SMYD2: variants seen among roughly 807,000 people sequenced by gnomAD.
SMYD2 encodes SET and MYND domain containing 2, also known as N-lysine methyltransferase SMYD2.
A neutral mutation model predicts 59.1 loss-of-function variants in SMYD2; 53 were observed. The observed-to-expected ratio is 0.90, with a 90% CI of 0.72 to 1.13. The LOEUF (loss-of-function observed/expected upper bound fraction) is 1.13, where lower values mean the gene tolerates loss of function less well. Ranked by LOEUF, SMYD2 falls within the 50% of genes most tolerant of loss-of-function variation. The pLI is 0.00. For missense variants in SMYD2, 494 were observed against 544.7 expected, an observed-to-expected ratio of 0.91 and a Z score of 0.93; for synonymous variants, 208 against 198.8, an observed-to-expected ratio of 1.05 and a Z score of -0.39.
At chr1:214,295,407 C>A (rs948511190) in intron 1 of SMYD2, among the ~76,000 whole-genome samples, 3 of 149,048 alleles carry the variant, frequency 2.0e-5, no homozygotes, top group Admixed American at 6.7e-5. Context: ...ATTTTTTTTG[C>A]TTTCTAAGGC....
At chr1:214,317,150 A>G (rs1363239018) in intron 3 of SMYD2, among the ~76,000 whole-genome samples, 1 of 152,260 alleles carries the variant, frequency 6.6e-6, no homozygotes, top group African/African-American at 2.4e-5. Context: ...TGCTCCAAAA[A>G]AGAACTATTG....
chr1:214,314,614 C>G (rs999159010), intron 2 of SMYD2, 148 bp from the exon 3 acceptor site: 1 of 625,968 alleles, frequency 1.6e-6, no homozygotes, highest in Non-Finnish European at 2.9e-6. Context: ...ATGTTTTTAT[C>G]TCTAGCTTTT....
chr1:214,330,086 C>T (rs1657325642), intron 7 of SMYD2, 82 bp from the exon 8 acceptor site: 1 of 870,574 alleles, frequency 1.1e-6, no homozygotes, highest in Non-Finnish European at 1.8e-6. Flanking sequence ...ATGGGCCCTG[C>T]AGGTGACTGC....
At chr1:214,283,695 G>T (rs986803792) in intron 1 of SMYD2, among the ~76,000 whole-genome samples, 8 of 152,122 alleles carry the variant, frequency 5.3e-5, no homozygotes, top group Non-Finnish European at 1.0e-4. Context: ...CCTCCATAGG[G>T]CCTCAAAGTA....
chr1:214,322,497 T>G (rs1232003031), intron 5 of SMYD2, among the ~76,000 whole-genome samples: 1 of 152,226 alleles, frequency 6.6e-6, no homozygotes, highest in Non-Finnish European at 1.5e-5. Flanking sequence ...TAATCCACAG[T>G]ACCCTCCCAT....
intron 2 of SMYD2, among the ~76,000 whole-genome samples, chr1:214,308,920 GAGAA>G (rs1191825603): frequency 6.6e-6 from 1 of 152,134 alleles, no homozygotes; most frequent in Non-Finnish European, 1.5e-5. Context: ...GGGAATGTCA[GAGAA>G]AGAGAAGTGG....
intron 11 of SMYD2, among the ~76,000 whole-genome samples, chr1:214,335,945 GAAA>G (rs1030742623): frequency 2.2e-4 from 33 of 152,268 alleles, no homozygotes; most frequent in African/African-American, 7.9e-4. Flanking sequence ...TTTCGAAAGG[GAAA>G]AATAGTTTAG....
At chr1:214,313,304 A>G (rs1415073923) in intron 2 of SMYD2, among the ~76,000 whole-genome samples, 1 of 151,740 alleles carries the variant, frequency 6.6e-6, no homozygotes, top group Non-Finnish European at 1.5e-5. Context: ...TTTAGTAGAG[A>G]TGGGGTTTTA....
intron 11 of SMYD2, among the ~76,000 whole-genome samples, chr1:214,336,496 C>T (rs747139434): frequency 6.6e-5 from 10 of 152,222 alleles, no homozygotes; most frequent in African/African-American, 2.2e-4. Context: ...CGCACCACTG[C>T]ACTCCAGCCT....
intron 1 of SMYD2, among the ~76,000 whole-genome samples, chr1:214,304,100 G>A (rs1371303673): frequency 2.6e-5 from 4 of 152,198 alleles, no homozygotes; most frequent in Admixed American, 2.6e-4. Flanking sequence ...GCACCTAACA[G>A]TTGGGAAGCA....
chr1:214,321,568 G>A (rs1023650864), intron 5 of SMYD2, among the ~76,000 whole-genome samples: 7 of 152,142 alleles, frequency 4.6e-5, no homozygotes, highest in Non-Finnish European at 7.3e-5. Context: ...CCTTTCCACC[G>A]TCTGGTCCAT....
chr1:214,328,527 T>C (rs1320665591), intron 7 of SMYD2, among the ~76,000 whole-genome samples: 2 of 152,232 alleles, frequency 1.3e-5, no homozygotes, highest in East Asian at 3.8e-4. Context: ...ATGCTCTGTG[T>C]TCTTAAGTAA....
At chr1:214,308,578 A>C (rs1183895088) in intron 2 of SMYD2, among the ~76,000 whole-genome samples, 1 of 152,102 alleles carries the variant, frequency 6.6e-6, no homozygotes, top group Non-Finnish European at 1.5e-5. Flanking sequence ...AGCGATGAGG[A>C]AGGTAATTGA....
Position 214,318,139 on chromosome 1 carries a change from C to A in SMYD2, c.409C>A (p.His137Asn), listed in dbSNP as rs759307844. Residue 137 changes from histidine to asparagine, a missense_variant and splice_region_variant, in exon 4 of 12, where the codon CAT becomes AAT. His to Asn is a moderately conservative substitution (Grantham distance 68). Coordinates refer to ENST00000366957, the MANE Select transcript of SMYD2 (RefSeq NM_020197.3). This position sits in a 1 kb window ranked among gnomAD's most constrained non-coding sequence, Gnocchi z 5.4. The stretch of plus-strand genomic sequence containing the variant: ...GTTAGCTGTGAAGGAGTTTGAATCA[C>A]GTAAGTCTTTCTGTGACCAGCCGCG... ...KLLAVKEFES[H>N]LDKLDNEKKD... 44 of 1,613,602 alleles carry A rather than the reference C, an allele frequency of 2.7e-5. 1 individual carries two copies. The East Asian group carries it at 9.4e-4, about 34-fold the overall frequency.
intron 1 of SMYD2, among the ~76,000 whole-genome samples, chr1:214,286,000 T>G (rs887490099): frequency 6.6e-6 from 1 of 152,228 alleles, no homozygotes; most frequent in African/African-American, 2.4e-5. Flanking sequence ...CCACCTTTGT[T>G]CACGTGGTCT....
chr1:214,314,499 A>G (rs1657049218), intron 2 of SMYD2, among the ~76,000 whole-genome samples: 2 of 152,182 alleles, frequency 1.3e-5, no homozygotes, highest in South Asian at 4.1e-4. Flanking sequence ...GGGGCTGCAG[A>G]AAGCCATGAG....
At chr1:214,296,622 TTAA>T (rs1289653161) in intron 1 of SMYD2, among the ~76,000 whole-genome samples, 6 of 152,232 alleles carry the variant, frequency 3.9e-5, no homozygotes, top group Non-Finnish European at 8.8e-5. Context: ...AAGCAATGTA[TTAA>T]ATGTTTTGCT....
At position 214,331,221 on chromosome 1, in the gene SMYD2, C is replaced by T. The variant is rs1410071991; in HGVS notation, c.937+151C>T. The T allele has an allele frequency of 4.5e-6, 5 of 1,112,374 alleles. No homozygotes were observed. In the South Asian group the frequency reaches 4.8e-5, roughly 11 times the overall value. 68.9% of individuals were successfully genotyped at this position (1,112,374 alleles called of 1,614,324 possible). A position where few individuals can be genotyped will look rare whatever the true frequency, so the allele number is the denominator to read the frequency against. ...AGTAAATGTGTAAAGGCGTACTGAC[C>T]ACCCACAATGTGGTGTCCATCCTGT... is the stretch of plus-strand genomic sequence containing the variant. On this transcript the variant is annotated intron_variant, in intron 9 of 11. Transcript: ENST00000366957.
chr1:214,315,993 G>C (rs1258132827), intron 3 of SMYD2, among the ~76,000 whole-genome samples: 5 of 152,154 alleles, frequency 3.3e-5, no homozygotes, highest in African/African-American at 1.2e-4. Flanking sequence ...ATAATAATTA[G>C]ACACCTAATC....
Sources: gnomAD v4.1 joint callset for allele counts (sites outside exome capture counted in the v4.1 genomes callset) on GRCh38, gnomAD v4.1.1 for gene constraint, Gnocchi (gnomAD v3.1) non-coding constraint, MANE v1.5 for transcripts, NCBI Gene and HGNC (gene_info 2026-07-23, HGNC 2026-07-21) for gene names.